The following ANXA4 variants were observed in gnomAD, a reference collection of about 807,000 sequenced individuals.
The protein encoded by ANXA4 is 35-beta calcimedin.
A neutral mutation model predicts 49.8 loss-of-function variants in ANXA4; 39 were observed. That is an observed-to-expected ratio of 0.78 (90% CI 0.61 to 1.02). The LOEUF is 1.02. Among genes scored for constraint, ANXA4 ranks in the 50% least tolerant of loss-of-function variants. The probability of loss-of-function intolerance (pLI) is 0.00; values close to 1 mark genes in which losing one functional copy is unlikely to be tolerated. For missense variants in ANXA4, 360 were observed against 410.1 expected (o/e 0.88, Z 1.05); for synonymous variants, 134 against 152.5 (o/e 0.88, Z 0.89).
chr2:69,649,644 C>G (rs1676153235), intron 1 of ANXA4, among the ~76,000 whole-genome samples: 1 of 141,388 alleles, frequency 7.1e-6, no homozygotes, highest in African/African-American at 2.7e-5. Context: ...CAGTGTCTCG[C>G]CCTACCGCCC....
chr2:69,737,380 A>G (rs546804116), upstream of ANXA4, among the ~76,000 whole-genome samples: 85 of 152,270 alleles, frequency 5.6e-4, no homozygotes, highest in African/African-American at 2.0e-3. Flanking sequence ...GAATTATTTA[A>G]TTCATTTCTT....
At chr2:69,786,285 G>A (rs937837416) in intron 2 of ANXA4, among the ~76,000 whole-genome samples, 3 of 152,030 alleles carry the variant, frequency 2.0e-5, no homozygotes, top group South Asian at 4.2e-4. Flanking sequence ...AAGTTCTGTC[G>A]CCTTTGCTCC....
chr2:69,660,420 A>G (rs963377868), intron 2 of ANXA4, among the ~76,000 whole-genome samples: 5 of 152,218 alleles, frequency 3.3e-5, no homozygotes, highest in East Asian at 1.9e-4. Context: ...ATAGAAAAAC[A>G]GCGTAAAACA....
intron 2 of ANXA4, among the ~76,000 whole-genome samples, chr2:69,709,950 A>T (rs78523059): frequency 0.024 from 3,603 of 148,670 alleles, 153 homozygotes; most frequent in African/African-American, 0.083. Flanking sequence ...CATAGATGGT[A>T]TCACTTATTA....
chr2:69,784,304 C>G (rs1672325936), intron 2 of ANXA4, among the ~76,000 whole-genome samples: 1 of 152,234 alleles, frequency 6.6e-6, no homozygotes, highest in Non-Finnish European at 1.5e-5. Flanking sequence ...CGGAACCACC[C>G]TTGCCAATTC....
chr2:69,728,617 A>G (rs184026265), intron 3 of ANXA4, among the ~76,000 whole-genome samples: 1 of 152,360 alleles, frequency 6.6e-6, no homozygotes. Flanking sequence ...CATCATTTAT[A>G]GAAAAGTCTG....
intron 1 of ANXA4, among the ~76,000 whole-genome samples, chr2:69,749,538 T>TA (rs1159714387): frequency 6.6e-6 from 1 of 152,144 alleles, no homozygotes; most frequent in African/African-American, 2.4e-5. Context: ...ATGTAGCTAT[T>TA]AAAAAATGGT....
intron 2 of ANXA4, among the ~76,000 whole-genome samples, chr2:69,679,751 A>G (rs1485642237): frequency 6.6e-6 from 1 of 152,214 alleles, no homozygotes; most frequent in Non-Finnish European, 1.5e-5. Context: ...AGCACCAATT[A>G]TTGAAGAGGG....
chr2:69,778,182 C>A (rs1328619838), intron 1 of ANXA4, among the ~76,000 whole-genome samples: 1 of 152,196 alleles, frequency 6.6e-6, no homozygotes, highest in Non-Finnish European at 1.5e-5. Flanking sequence ...CCGACCCTTG[C>A]TCTGTGCTAT....
intron 2 of ANXA4, among the ~76,000 whole-genome samples, chr2:69,665,856 AATAG>A (rs1460853260): frequency 1.3e-5 from 2 of 152,238 alleles, no homozygotes; most frequent in Non-Finnish European, 2.9e-5. Flanking sequence ...TTGTACTCAG[AATAG>A]ATAAAGAACT....
chr2:69,693,761 G>A (rs1678060203), intron 2 of ANXA4, among the ~76,000 whole-genome samples: 1 of 152,166 alleles, frequency 6.6e-6, no homozygotes, highest in Admixed American at 6.5e-5. Flanking sequence ...TTTAACAAGG[G>A]GCAGTAGCTA....
chr2:69,692,900 T>G (rs895387069), intron 2 of ANXA4, among the ~76,000 whole-genome samples: 1 of 152,162 alleles, frequency 6.6e-6, no homozygotes, highest in African/African-American at 2.4e-5. Context: ...TGTTCAGAAT[T>G]GGTTTATATC....
intron 1 of ANXA4, among the ~76,000 whole-genome samples, chr2:69,774,861 G>C (rs564395480): frequency 6.6e-6 from 1 of 152,128 alleles, no homozygotes; most frequent in Non-Finnish European, 1.5e-5. Flanking sequence ...CAGTCCACCA[G>C]GCTGGATGTT....
chr2:69,655,422 A>C (rs1226477732), intron 2 of ANXA4, among the ~76,000 whole-genome samples: 1 of 152,226 alleles, frequency 6.6e-6, no homozygotes, highest in African/African-American at 2.4e-5. Context: ...AAAACATATG[A>C]AAAAAAGCTC....
upstream of ANXA4, among the ~76,000 whole-genome samples, chr2:69,740,927 A>G (rs1313660888): frequency 6.7e-6 from 1 of 150,210 alleles, no homozygotes; most frequent in Non-Finnish European, 1.5e-5. Flanking sequence ...CCTGGGCTAA[A>G]GTGATCCACT....
chr2:69,689,924 C>T (rs1255966659), intron 2 of ANXA4, among the ~76,000 whole-genome samples: 1 of 152,054 alleles, frequency 6.6e-6, no homozygotes, highest in African/African-American at 2.4e-5. Context: ...CATATTCTCT[C>T]ATTAAAAAAA....
At chr2:69,794,648 T>C (rs1431517217) in intron 3 of ANXA4, among the ~76,000 whole-genome samples, 1 of 152,122 alleles carries the variant, frequency 6.6e-6, no homozygotes. Context: ...CTGCAAGCTC[T>C]GCCTTCCGAG....
At chr2:69,670,090 A>C (rs146572186) in intron 2 of ANXA4, among the ~76,000 whole-genome samples, 1 of 152,194 alleles carries the variant, frequency 6.6e-6, no homozygotes, top group African/African-American at 2.4e-5. Flanking sequence ...GCACAAAGTG[A>C]AAGTTTACCA....
intron 1 of ANXA4, among the ~76,000 whole-genome samples, chr2:69,774,225 T>A (rs1318837678): frequency 6.6e-6 from 1 of 152,114 alleles, no homozygotes; most frequent in Non-Finnish European, 1.5e-5. Context: ...ATGTTTTTAT[T>A]AGCATCTGTA....
Sources: gnomAD v4.1 joint callset for allele counts (sites outside exome capture counted in the v4.1 genomes callset) on GRCh38, gnomAD v4.1.1 for gene constraint, MANE v1.5 for transcripts, NCBI Gene and HGNC (gene_info 2026-07-23, HGNC 2026-07-21) for gene names.